Variants in ZNF69 observed in about 807,000 individuals in gnomAD.
ZNF69 encodes the protein ZNF3.
ZNF69 carries 47 observed loss-of-function variants against 50.9 expected under a neutral mutation model. That is an observed-to-expected ratio of 0.92 (90% CI 0.73 to 1.18). ZNF69 has a LOEUF of 1.18. ZNF69 is among the 50% of genes most tolerant of loss of function. The pLI is 0.00. For missense variants in ZNF69, 717 were observed against 675.1 expected (o/e 1.06, Z -0.69); for synonymous variants, 216 against 223.1 (o/e 0.97, Z 0.29).
chr19:11,905,500 G>A lies in ZNF69; in HGVS notation c.1103G>A (p.Gly368Asp), dbSNP rs1387490587. Residue 368 changes from glycine to aspartate, a missense_variant, in exon 4 of 4, where the codon GGC becomes GAC. Transcript: ENST00000429654. ...TATGAATGTAAGATATGTGGGAAAG[G>A]CTTTTGTTCTGCCAATTCATTTCAA... Reference protein sequence around the residue: ...RPYECKICGKGFCSANSFQRH... With the variant: ...RPYECKICGKDFCSANSFQRH... 1 of 1,614,080 alleles carries A rather than the reference G, an allele frequency of 6.2e-7. No homozygotes were observed. Among genetic ancestry groups the A allele is most frequent in the East Asian group, 2.2e-5 (1 of 44,872 alleles).
the ZNF69 span, among the ~76,000 whole-genome samples, chr19:11,958,818 T>G: frequency 3.3e-5 from 5 of 152,194 alleles, no homozygotes; most frequent in Non-Finnish European, 7.4e-5. Flanking sequence ...TTTTATAGAA[T>G]CTTGCTACCA....
the ZNF69 span, among the ~76,000 whole-genome samples, chr19:11,919,362 C>T: frequency 6.6e-6 from 1 of 152,144 alleles, no homozygotes. Flanking sequence ...TCTTGCTCCC[C>T]ATCTGCTATG....
At chr19:11,932,663 A>C in the ZNF69 span, among the ~76,000 whole-genome samples, 1 of 133,206 alleles carries the variant, frequency 7.5e-6, no homozygotes, top group East Asian at 2.0e-4. Flanking sequence ...TTTGAGACAG[A>C]GTCTTGCCCT....
At chr19:11,922,728 A>C in the ZNF69 span, among the ~76,000 whole-genome samples, 2 of 152,200 alleles carry the variant, frequency 1.3e-5, no homozygotes, top group Non-Finnish European at 2.9e-5. Context: ...GATCCAGTCC[A>C]TAAGGAAATA....
At chr19:11,958,017 G>A in the ZNF69 span, among the ~76,000 whole-genome samples, 2 of 152,178 alleles carry the variant, frequency 1.3e-5, no homozygotes, top group Admixed American at 6.5e-5. Context: ...GGTAACAAAC[G>A]TGGCACCATC....
the ZNF69 span, among the ~76,000 whole-genome samples, chr19:11,967,145 G>C: frequency 1.7e-3 from 254 of 152,200 alleles, 2 homozygotes; most frequent in African/African-American, 5.8e-3. Flanking sequence ...GACCACCCTG[G>C]GCAACATAGC....
At chr19:11,940,657 C>T in the ZNF69 span, among the ~76,000 whole-genome samples, 1 of 152,142 alleles carries the variant, frequency 6.6e-6, no homozygotes, top group African/African-American at 2.4e-5. Flanking sequence ...AAAGCTTCCA[C>T]AGTGTGGAAG....
the ZNF69 span, among the ~76,000 whole-genome samples, chr19:11,968,681 T>G: frequency 1.2e-4 from 18 of 152,100 alleles, no homozygotes; most frequent in Non-Finnish European, 2.5e-4. Flanking sequence ...CATGGAGTCT[T>G]TGTGTGAGAA....
At chr19:11,957,154 C>T in the ZNF69 span, among the ~76,000 whole-genome samples, 5 of 150,530 alleles carry the variant, frequency 3.3e-5, no homozygotes, top group South Asian at 2.1e-4. Context: ...TGCAGTGGCA[C>T]GATCTCAGCT....
At chr19:11,935,046 G>A in the ZNF69 span, among the ~76,000 whole-genome samples, 58 of 145,184 alleles carry the variant, frequency 4.0e-4, 10 homozygotes, top group African/African-American at 1.6e-3. Context: ...GCATGGTGGC[G>A]GGCGCCTATA....
chr19:11,979,840 T>C, the ZNF69 span: 1 of 1,542,512 alleles, frequency 6.5e-7, no homozygotes, highest in East Asian at 2.3e-5. Flanking sequence ...CCAAGAACCT[T>C]CGAATTCATG....
chr19:11,946,615 A>G, the ZNF69 span: 1 of 152,306 alleles, frequency 6.6e-6, no homozygotes, highest in Non-Finnish European at 1.5e-5. Context: ...TACCTTTGAA[A>G]TAAGGGACCT....
chr19:11,965,534 G>A, the ZNF69 span, among the ~76,000 whole-genome samples: 1 of 152,252 alleles, frequency 6.6e-6, no homozygotes, highest in Non-Finnish European at 1.5e-5. Flanking sequence ...ATCCTGACTC[G>A]TGTGTAGGGT....
the ZNF69 span, among the ~76,000 whole-genome samples, chr19:11,928,454 C>T: frequency 8.0e-5 from 12 of 149,562 alleles, no homozygotes; most frequent in Non-Finnish European, 1.3e-4. Context: ...GTCTCTGGGC[C>T]GGGCGCGGTG....
At chr19:11,965,220 G>A in the ZNF69 span, 2 of 1,614,054 alleles carry the variant, frequency 1.2e-6, no homozygotes, top group Non-Finnish European at 1.7e-6. Context: ...TGGTGCGTGT[G>A]CATAGCCGGT....
the ZNF69 span, among the ~76,000 whole-genome samples, chr19:11,970,848 T>C: frequency 6.6e-6 from 1 of 152,104 alleles, no homozygotes; most frequent in Non-Finnish European, 1.5e-5. Flanking sequence ...GGAGAATCGC[T>C]TGAACCTGGG....
the ZNF69 span, chr19:11,978,744 C>T: frequency 1.2e-6 from 2 of 1,613,906 alleles, no homozygotes; most frequent in East Asian, 2.2e-5. Flanking sequence ...TTTTCAAGCA[C>T]ATAAAAGAAC....
intron 4 of ZNF69, among the ~76,000 whole-genome samples, chr19:11,912,849 C>T (rs1972477289): frequency 6.6e-6 from 1 of 152,152 alleles, no homozygotes; most frequent in South Asian, 2.1e-4. Context: ...TGAATGTAAA[C>T]AATTAACTGT....
At chr19:11,980,068 G>A in the ZNF69 span, 24 of 1,067,562 alleles carry the variant, frequency 2.2e-5, no homozygotes, top group Non-Finnish European at 3.1e-5. Context: ...AACCCTATGA[G>A]TGTAAGCAAT....
Sources: allele counts gnomAD v4.1 joint callset (sites outside exome capture counted in the v4.1 genomes callset), GRCh38; gene constraint gnomAD v4.1.1; transcripts MANE v1.5; gene names NCBI Gene and HGNC (gene_info 2026-07-23, HGNC 2026-07-21).